The following ZNF268 variants were observed in gnomAD, a reference collection of about 807,000 sequenced individuals.
ZNF268 encodes the protein zinc finger protein 268.
ZNF268 carries 20 observed loss-of-function variants against 29.3 expected under a neutral mutation model. The ratio of observed to expected loss-of-function variants is 0.68; its 90% CI spans 0.48 to 0.99. ZNF268 has a LOEUF of 0.99. ZNF268 is among the 50% of genes least tolerant of loss of function. ZNF268 has a pLI of 0.00. For synonymous variants in ZNF268, 429 were observed against 376.9 expected, an observed-to-expected ratio of 1.14 and a Z score of -1.60; for missense variants, 1,240 against 1,121.6, an observed-to-expected ratio of 1.11 and a Z score of -1.51.
At position 133,203,310 on chromosome 12, in the gene ZNF268, C is replaced by T. The variant is rs2135523265; in HGVS notation, c.1624C>T (p.Gln542Ter). 3 of 1,542,350 alleles carry T rather than the reference C, an allele frequency of 1.9e-6. No individual in the cohort carries two copies. The highest frequency in any genetic ancestry group is 4.9e-5 in the East Asian group (2 of 41,020). ...NCGKAFSFKSQLIIHQRIHTG... is the reference protein window; with the variant it reads ...NCGKAFSFKS The stretch of plus-strand genomic sequence containing the variant: ...TGGGAAAGCCTTCAGTTTTAAATCA[C>T]AGCTCATTATACATCAGAGGATTCA... Residue 542 changes from glutamine (Q) to a stop codon, truncating the protein, a stop_gained, in exon 6 of 6, where the codon CAG becomes TAG. Coordinates refer to ENST00000536435, the MANE Select transcript of ZNF268 (RefSeq NM_003415.3). LOFTEE classifies it low-confidence loss of function (END_TRUNC).
At position 133,196,960 on chromosome 12, in the gene ZNF268, C is replaced by CT. The variant is rs142022636; in HGVS notation, c.457+4967dup. Among the ~76,000 whole-genome samples, 374 of 136,970 alleles carry CT rather than the reference C, an allele frequency of 2.7e-3. 1 individual carries two copies. The highest frequency in any genetic ancestry group is 9.0e-3 in the African/African-American group (327 of 36,368). 89.9% of individuals were successfully genotyped at this position (136,970 alleles called of 152,430 possible). A position where few individuals can be genotyped will look rare whatever the true frequency, so the allele number is the denominator to read the frequency against. On this transcript the variant is annotated intron_variant, in intron 5 of 5. Coordinates refer to ENST00000536435, the MANE Select transcript of ZNF268 (RefSeq NM_003415.3). Reference sequence around the variant, plus strand: ...AAGATCCCCTGATCTGCTCTGCTTTCTTTTTTTTTTAATATTAATACCTTT... The same window carrying CT: ...AAGATCCCCTGATCTGCTCTGCTTTCTTTTTTTTTTTAATATTAATACCTTT...
Position 133,204,664 on chromosome 12 carries a change from G to A in ZNF268, c.*134G>A. The A allele has an allele frequency of 1.5e-6, 1 of 657,552 alleles. No individual in the cohort carries two copies. The allele number at this position is 657,552 out of a possible 1,614,324, so 40.7% of individuals were successfully genotyped here. ...TGAATAGAAACTTTATGAATGCACA[G>A]CATATGGAAAGGCATCCACAGAAAG... is the stretch of plus-strand genomic sequence containing the variant. On this transcript the variant is annotated 3_prime_UTR_variant, in exon 6 of 6. Coordinates refer to ENST00000536435, the MANE Select transcript of ZNF268 (RefSeq NM_003415.3).
rs1956961229 is a variant in ZNF268 at position 133,210,450 on chromosome 12, T to G, written c.*5920T>G. 4 of 201,896 alleles carry G rather than the reference T, an allele frequency of 2.0e-5. No individual in the cohort carries two copies. The Admixed American group carries it at 2.1e-4, about 11-fold the overall frequency. 12.5% of individuals were successfully genotyped at this position (201,896 alleles called of 1,614,324 possible). ...CCTGAGGAGAAGGAAGCTCAGAACC[T>G]CACTGTGGATTTGCCCCACTAGGGT... On this transcript the variant is annotated 3_prime_UTR_variant, in exon 6 of 6. Transcript: ENST00000536435.
chr12:133,193,277 G>A (rs1956517780), intron 5 of ZNF268: 2 of 469,948 alleles, frequency 4.3e-6, no homozygotes, highest in East Asian at 3.4e-5. Flanking sequence ...ATGCTGCAGT[G>A]AACTATGGTT....
At position 133,205,140 on chromosome 12, in the gene ZNF268, A is replaced by T. The variant is rs1956868117; in HGVS notation, c.*610A>T. 1 of 103,362 alleles carries T rather than the reference A, an allele frequency of 9.7e-6. No individual in the cohort carries two copies. Among genetic ancestry groups the T allele is most frequent in the South Asian group, 3.3e-4 (1 of 3,010 alleles). The allele number at this position is 103,362 out of a possible 1,614,324, so 6.4% of individuals were successfully genotyped here. On this transcript the variant is annotated 3_prime_UTR_variant, in exon 6 of 6. Coordinates refer to ENST00000536435, the MANE Select transcript of ZNF268 (RefSeq NM_003415.3). The stretch of plus-strand genomic sequence containing the variant: ...CTGTTAACCTCACCTTAGAAGCTTC[A>T]TTCTAAAAAAAAAAAAAAAAAAAAA...
chr12:133,198,445 G>A (rs1004488535), intron 5 of ZNF268, among the ~76,000 whole-genome samples: 2 of 151,244 alleles, frequency 1.3e-5, no homozygotes, highest in South Asian at 2.1e-4. Context: ...TAGCCTTGTA[G>A]TATAGTTTGA....
At chr12:133,187,807 C>G in intron 2 of ZNF268, 65 bp from the exon 3 acceptor site, 1 of 1,441,310 alleles carries the variant, frequency 6.9e-7, no homozygotes, top group Non-Finnish European at 9.5e-7. Context: ...TGTGATGTGA[C>G]CCCTATTTCC....
intron 3 of ZNF268, among the ~76,000 whole-genome samples, chr12:133,190,693 G>A (rs1462896007): frequency 3.3e-5 from 5 of 152,150 alleles, no homozygotes; most frequent in Non-Finnish European, 7.4e-5. Context: ...GGTACCAATA[G>A]TGCCCTTTCA....
Position 133,204,286 on chromosome 12 carries a change from G to T in ZNF268, c.2600G>T (p.Ser867Ile), listed in dbSNP as rs571694026. The T allele has an allele frequency of 2.5e-5, 39 of 1,554,136 alleles. No homozygotes were observed. In the African/African-American group the frequency reaches 4.5e-4, roughly 18 times the overall value. Reference protein sequence around the residue: ...MHTREKPYECSECGKAFIRNS... With the variant: ...MHTREKPYECIECGKAFIRNS... ...ACAAGAGAGAAACCATATGAATGCA[G>T]TGAGTGTGGAAAAGCCTTCATTAGG... Residue 867 changes from serine to isoleucine, a missense_variant, in exon 6 of 6, where the codon AGT becomes ATT. Around this residue, in one of 3 missense-constraint regions of ZNF268, gnomAD observed 1,177 missense variants for 1,039.6 expected, o/e 1.13. Transcript: ENST00000536435.
chr12:133,202,584 G>A lies in ZNF268; in HGVS notation c.898G>A (p.Glu300Lys), dbSNP rs1242726379. The change falls in exon 6 of 6, where the codon GAA (glutamate) becomes AAA (lysine). Residue 300 changes from glutamate to lysine, a missense_variant. Glu to Lys is a moderately conservative substitution (Grantham distance 56). Around this residue, in one of 3 missense-constraint regions of ZNF268, gnomAD observed 1,177 missense variants for 1,039.6 expected, o/e 1.13. Coordinates refer to ENST00000536435, the MANE Select transcript of ZNF268 (RefSeq NM_003415.3). ...YLLVHQQTHA[E>K]EKPYGCNECG... Reference sequence around the variant, plus strand: ...TCTAGTGCATCAGCAAACTCATGCCGAAGAGAAACCCTATGGTTGTAATGA... The same window carrying A: ...TCTAGTGCATCAGCAAACTCATGCCAAAGAGAAACCCTATGGTTGTAATGA... 1.3e-5 allele frequency: 21 copies of A among 1,607,256 alleles called. No homozygotes were observed. Among genetic ancestry groups the A allele is most frequent in the African/African-American group, 5.3e-5 (4 of 74,820 alleles).
chr12:133,181,733 A>G (rs1274889454), intron 1 of ZNF268, 47 bp downstream of exon 1: 4 of 506,546 alleles, frequency 7.9e-6, no homozygotes, highest in African/African-American at 3.8e-5. Context: ...GACAGAACTA[A>G]TCTGCCTTAG....
rs1291425561 is a variant in ZNF268 at position 133,194,915 on chromosome 12, T to A, written c.457+2912T>A. ...GCTGCAACCCATATGTTGGTTCTTG[T>A]ACTACATTAATACAAGTCTAGGATC... On this transcript the variant is annotated intron_variant, in intron 5 of 5. Coordinates refer to ENST00000536435, the MANE Select transcript of ZNF268 (RefSeq NM_003415.3). Among the ~76,000 whole-genome samples the A allele has an allele frequency of 2.3e-5, 3 of 131,940 alleles. No individual in the cohort carries two copies. The East Asian group carries it at 5.9e-4, about 26-fold the overall frequency. 86.6% of individuals were successfully genotyped at this position (131,940 alleles called of 152,430 possible). A position where few individuals can be genotyped will look rare whatever the true frequency, so the allele number is the denominator to read the frequency against.
rs1009650382 is a variant in ZNF268, at chr12:133,212,817, G to A, written c.*8287G>A. On this transcript the variant is annotated 3_prime_UTR_variant, in exon 6 of 6. Transcript: ENST00000536435. ...GGATCCTTCCACCTCAGCCTCCTGG[G>A]TAGCTGGAACTACAGGTGCCACTAC... The A allele has an allele frequency of 7.9e-5, 12 of 152,006 alleles. No individual in the cohort carries two copies. The highest frequency in any genetic ancestry group is 2.4e-4 in the African/African-American group (10 of 41,356). 9.4% of individuals were successfully genotyped at this position (152,006 alleles called of 1,614,324 possible). A position where few individuals can be genotyped will look rare whatever the true frequency, so the allele number is the denominator to read the frequency against.
rs1319409647 is a variant in ZNF268, at chr12:133,211,629, C to G, written c.*7099C>G. The G allele has an allele frequency of 6.6e-6, 1 of 152,068 alleles. No individual in the cohort carries two copies. 9.4% of individuals were successfully genotyped at this position (152,068 alleles called of 1,614,324 possible). A position where few individuals can be genotyped will look rare whatever the true frequency, so the allele number is the denominator to read the frequency against. ...GATATACAGATGGCAAATAAGCATA[C>G]CAAATAATGCTCAGTGACACTTGTC... On this transcript the variant is annotated 3_prime_UTR_variant, in exon 6 of 6. Coordinates refer to ENST00000536435, the MANE Select transcript of ZNF268 (RefSeq NM_003415.3).
At position 133,204,536 on chromosome 12, in the gene ZNF268, T is replaced by C. The variant is rs747322553; in HGVS notation, c.*6T>C. 67 of 1,483,224 alleles carry C rather than the reference T, an allele frequency of 4.5e-5. 1 individual carries two copies. In the Admixed American group the frequency reaches 1.6e-3, roughly 36 times the overall value. 91.9% of individuals were successfully genotyped at this position (1,483,224 alleles called of 1,614,324 possible). ...ATGTAGATGACAAACATTGATAATT[T>C]TACGAAACTCTGAAAAGTGGATTCA... is the stretch of plus-strand genomic sequence containing the variant. On this transcript the variant is annotated 3_prime_UTR_variant, in exon 6 of 6. Coordinates refer to ENST00000536435, the MANE Select transcript of ZNF268 (RefSeq NM_003415.3).
At chr12:133,190,549 T>C (rs975170135) in intron 3 of ZNF268, among the ~76,000 whole-genome samples, 1 of 152,230 alleles carries the variant, frequency 6.6e-6, no homozygotes, top group Non-Finnish European at 1.5e-5. Flanking sequence ...TAATGACATA[T>C]GGTATTGAGC....
chr12:133,192,114 T>TC, intron 5 of ZNF268, 111 bp downstream of exon 5: 1 of 891,598 alleles, frequency 1.1e-6, no homozygotes, highest in East Asian at 2.7e-5. Context: ...GCACTTTTTT[T>TC]TTTTTTTTTT....
chr12:133,191,054 C>T (rs891839224), intron 3 of ZNF268, among the ~76,000 whole-genome samples: 3 of 152,090 alleles, frequency 2.0e-5, no homozygotes, highest in South Asian at 2.1e-4. Context: ...CGGTGGCTCA[C>T]GCCTGTAATC....
Position 133,206,434 on chromosome 12 carries a change from CTACT to C in ZNF268, c.*1907_*1910del, listed in dbSNP as rs1212279464. 1.3e-5 allele frequency: 2 copies of C among 152,150 alleles called. No homozygotes were observed. Among genetic ancestry groups the C allele is most frequent in the Non-Finnish European group, 1.5e-5 (1 of 68,028 alleles). The allele number at this position is 152,150 out of a possible 1,614,324, so 9.4% of individuals were successfully genotyped here. A position where few individuals can be genotyped will look rare whatever the true frequency, so the allele number is the denominator to read the frequency against. On this transcript the variant is annotated 3_prime_UTR_variant, in exon 6 of 6. Coordinates refer to ENST00000536435, the MANE Select transcript of ZNF268 (RefSeq NM_003415.3). The stretch of plus-strand genomic sequence containing the variant: ...AATTTAAGATTATGTGTCAGTGATA[CTACT>C]TAGTTACATGTAGCTATAGAGTCAC...
Sources: allele counts gnomAD v4.1 joint callset (sites outside exome capture counted in the v4.1 genomes callset), GRCh38; gene constraint gnomAD v4.1.1; regional missense constraint gnomAD v4.1.1; transcripts MANE v1.5; gene names NCBI Gene and HGNC (gene_info 2026-07-23, HGNC 2026-07-21).